The following RASSF3 variants were observed in gnomAD, a reference collection of about 807,000 sequenced individuals.
RASSF3 encodes the protein ras association domain-containing protein 3.
Under a neutral mutation model 19.9 loss-of-function variants are expected in RASSF3, and 19 were observed. That is an observed-to-expected ratio of 0.96 (90% CI 0.67 to 1.40). RASSF3 has a LOEUF of 1.40. Ranked by LOEUF, RASSF3 falls within the 40% of genes most tolerant of loss-of-function variation. The pLI is 0.00. For missense variants in RASSF3, 306 were observed against 289.8 expected (o/e 1.06, Z -0.41); for synonymous variants, 110 against 104.2 (o/e 1.06, Z -0.34).
At chr12:64,588,410 C>G (rs530682543) in intron 2 of RASSF3, among the ~76,000 whole-genome samples, 98 of 151,936 alleles carry the variant, frequency 6.5e-4, no homozygotes, top group African/African-American at 2.3e-3. Flanking sequence ...TTCTGCTGGG[C>G]GTGGTGGCTC....
At chr12:64,603,631 C>T (rs371954121) in intron 2 of RASSF3, among the ~76,000 whole-genome samples, 3 of 152,186 alleles carry the variant, frequency 2.0e-5, no homozygotes, top group African/African-American at 4.8e-5. Context: ...TATCCTTATA[C>T]GTAATCATAT....
In RASSF3 at chr12:64,548,508, G is replaced by A. The variant is rs139893238; in HGVS notation, c.294+6803G>A. 6.6e-3 allele frequency among the ~76,000 whole-genome samples: 1,007 copies of A among 152,156 alleles called. 11 individuals carry two copies. Among genetic ancestry groups the A allele is most frequent in the African/African-American group, 0.023 (963 of 41,500 alleles). On this transcript the variant is annotated intron_variant, in intron 2 of 5. Coordinates refer to the RASSF3 transcript ENST00000637125. ...CCTGGCCAACAATTTTACTTCTTTT[G>A]GTGCATTTCTTACTGTTGAACATGA...
At chr12:64,578,952 C>T (rs1869641332) in intron 2 of RASSF3, among the ~76,000 whole-genome samples, 1 of 152,096 alleles carries the variant, frequency 6.6e-6, no homozygotes. Flanking sequence ...CCAGCCTGGC[C>T]TGACCAACAA....
chr12:64,624,718 G>A (rs1320325004), intron 1 of RASSF3, among the ~76,000 whole-genome samples: 1 of 152,148 alleles, frequency 6.6e-6, no homozygotes, highest in Non-Finnish European at 1.5e-5. Flanking sequence ...GGAGTGCAGT[G>A]GCGCGATCTA....
chr12:64,634,378 T>C (rs1871260647), intron 1 of RASSF3, among the ~76,000 whole-genome samples: 1 of 151,608 alleles, frequency 6.6e-6, no homozygotes, highest in African/African-American at 2.4e-5. Flanking sequence ...TACTATGTTA[T>C]CCAGGCTGGT....
chr12:64,641,414 A>ACACACACACACACACACACACACACACG, intron 1 of RASSF3, among the ~76,000 whole-genome samples: 4 of 142,192 alleles, frequency 2.8e-5, no homozygotes, highest in African/African-American at 1.1e-4. Flanking sequence ...ACACACACAC[A>ACACACACACACACACACACACACACACG]CGCGCGCGCG....
chr12:64,610,730 G>A lies in RASSF3; in HGVS notation c.98G>A (p.Arg33His), dbSNP rs563859532. The change falls in exon 1 of 5, where the codon CGC (arginine) becomes CAC (histidine). Residue 33 changes from arginine to histidine, a missense_variant. Arg to His is a conservative substitution (Grantham distance 29). Transcript: ENST00000542104. The part of the protein sequence containing the change: ...FFRRAPQGKP[R>H]SGQQDVEKEK... ...AGGAGAGCGCCCCAGGGCAAGCCCCGCTCCGGCCAACAAGTGAGTGGCGCG... is the reference window on the plus strand; with the variant it reads ...AGGAGAGCGCCCCAGGGCAAGCCCCACTCCGGCCAACAAGTGAGTGGCGCG... The A allele has an allele frequency of 7.6e-6, 12 of 1,587,766 alleles. No homozygotes were observed. In the South Asian group the frequency reaches 7.9e-5, roughly 10 times the overall value.
chr12:64,529,386 T>A (rs1868658190), upstream of RASSF3, among the ~76,000 whole-genome samples: 1 of 152,326 alleles, frequency 6.6e-6, no homozygotes, highest in East Asian at 1.9e-4. Flanking sequence ...GATCCATGAG[T>A]GGACACATAC....
chr12:64,672,572 G>C (rs1872735542), intron 1 of RASSF3, among the ~76,000 whole-genome samples: 1 of 152,126 alleles, frequency 6.6e-6, no homozygotes, highest in African/African-American at 2.4e-5. Context: ...TGCCCAGGCT[G>C]AGTCATGCTC....
intron 2 of RASSF3, among the ~76,000 whole-genome samples, chr12:64,578,853 A>T (rs1237582550): frequency 6.6e-6 from 1 of 152,108 alleles, no homozygotes; most frequent in Non-Finnish European, 1.5e-5. Flanking sequence ...CTATAAAATC[A>T]TGCCTTTTTG....
chr12:64,603,596 A>T (rs1480483489), intron 2 of RASSF3, among the ~76,000 whole-genome samples: 1 of 152,204 alleles, frequency 6.6e-6, no homozygotes, highest in Admixed American at 6.5e-5. Context: ...TTGATTATTG[A>T]GGATGTGCCC....
intron 2 of RASSF3, among the ~76,000 whole-genome samples, chr12:64,568,323 A>C (rs1869464239): frequency 6.6e-6 from 1 of 152,166 alleles, no homozygotes; most frequent in Non-Finnish European, 1.5e-5. Flanking sequence ...GTGAGCCATC[A>C]TGCCTGGCCG....
intron 2 of RASSF3, among the ~76,000 whole-genome samples, chr12:64,576,388 A>G (rs927728730): frequency 2.6e-5 from 4 of 152,344 alleles, no homozygotes; most frequent in African/African-American, 7.2e-5. Flanking sequence ...ATCAACTCCA[A>G]TTGAATTATA....
downstream of RASSF3, among the ~76,000 whole-genome samples, chr12:64,545,680 C>T (rs1382201414): frequency 6.6e-6 from 1 of 152,188 alleles, no homozygotes; most frequent in African/African-American, 2.4e-5. Context: ...GTAATCCCAG[C>T]ACTTCGGGAG....
At chr12:64,617,947 A>G (rs2136159842) in intron 1 of RASSF3, among the ~76,000 whole-genome samples, 1 of 152,304 alleles carries the variant, frequency 6.6e-6, no homozygotes, top group African/African-American at 2.4e-5. Context: ...TTCCTTATTG[A>G]TGACTGTCTT....
intron 2 of RASSF3, among the ~76,000 whole-genome samples, chr12:64,580,007 G>A (rs1869664455): frequency 6.6e-6 from 1 of 151,852 alleles, no homozygotes; most frequent in Non-Finnish European, 1.5e-5. Context: ...TAGAGATGGG[G>A]TTTCACCACG....
intron 1 of RASSF3, among the ~76,000 whole-genome samples, chr12:64,621,626 C>A (rs980080155): frequency 6.6e-6 from 1 of 152,246 alleles, no homozygotes; most frequent in East Asian, 1.9e-4. Flanking sequence ...TATGGGCATG[C>A]GCCACTATGC....
At chr12:64,571,721 C>G (rs557814291) in intron 2 of RASSF3, among the ~76,000 whole-genome samples, 1 of 152,076 alleles carries the variant, frequency 6.6e-6, no homozygotes, top group African/African-American at 2.4e-5. Flanking sequence ...CAGAGAGATT[C>G]GTGACACTTT....
intron 1 of RASSF3, among the ~76,000 whole-genome samples, chr12:64,620,658 T>C (rs1870722722): frequency 6.6e-6 from 1 of 152,202 alleles, no homozygotes; most frequent in Non-Finnish European, 1.5e-5. Flanking sequence ...TGGAGGTTTC[T>C]AATTTTTGCT....
Sources: allele counts gnomAD v4.1 joint callset (sites outside exome capture counted in the v4.1 genomes callset), GRCh38; gene constraint gnomAD v4.1.1; transcripts MANE v1.5; gene names NCBI Gene and HGNC (gene_info 2026-07-23, HGNC 2026-07-21).